The following MEP1B variants were observed in gnomAD, a reference collection of about 807,000 sequenced individuals.
MEP1B encodes the protein N-benzoyl-L-tyrosyl-P-amino-benzoic acid hydrolase subunit beta.
A neutral mutation model predicts 84.6 loss-of-function variants in MEP1B; 80 were observed. The ratio of observed to expected loss-of-function variants is 0.95; its 90% CI spans 0.79 to 1.14. The LOEUF (loss-of-function observed/expected upper bound fraction) is 1.14, where lower values mean the gene tolerates loss of function less well. Ranked by LOEUF, MEP1B falls within the 50% of genes most tolerant of loss-of-function variation. The pLI, the probability that MEP1B is intolerant of heterozygous loss-of-function variation, is 0.00. For synonymous variants in MEP1B, 273 were observed against 288.1 expected (o/e 0.95, Z 0.53); for missense variants, 766 against 855.1 (o/e 0.90, Z 1.30).
At chr18:32,195,239 G>A (rs1406687415) in intron 4 of MEP1B, among the ~76,000 whole-genome samples, 168 bp from the exon 5 acceptor site, 2 of 150,396 alleles carry the variant, frequency 1.3e-5, no homozygotes, top group African/African-American at 5.0e-5. Flanking sequence ...TAGAAACTTT[G>A]TTATATTATG....
Position 32,220,286 on chromosome 18 carries a change from G to C in MEP1B, c.*41G>C. 6.3e-7 allele frequency: 1 copy of C among 1,592,286 alleles called. No homozygotes were observed. The highest frequency in any genetic ancestry group is 1.1e-5 in the South Asian group (1 of 88,426). On this transcript the variant is annotated 3_prime_UTR_variant, in exon 15 of 15. Transcript: ENST00000269202. The stretch of plus-strand genomic sequence containing the variant: ...TATGGCCAGCTAATGAAATTAAAAA[G>C]GATTCTTCATCATGGATTTCGCCTA...
intron 3 of MEP1B, 41 bp from the exon 4 acceptor site, chr18:32,192,733 G>A (rs1377591735): frequency 2.5e-6 from 4 of 1,611,562 alleles, no homozygotes; most frequent in Non-Finnish European, 3.4e-6. Context: ...TAGAGAGTTT[G>A]AATCCAATTT....
At chr18:32,194,788 T>A (rs2144378383) in intron 4 of MEP1B, among the ~76,000 whole-genome samples, 1 of 152,174 alleles carries the variant, frequency 6.6e-6, no homozygotes, top group Admixed American at 6.5e-5. Flanking sequence ...ACATCTCTCT[T>A]TCTAATTTCC....
intron 5 of MEP1B, among the ~76,000 whole-genome samples, chr18:32,200,577 T>C (rs1420881532): frequency 6.6e-6 from 1 of 152,116 alleles, no homozygotes; most frequent in Admixed American, 6.6e-5. Flanking sequence ...CTCTTACAGG[T>C]AGCAAAAATA....
In MEP1B at chr18:32,196,657, G is replaced by A. The variant is rs2144383903; in HGVS notation, c.250+1172G>A. On this transcript the variant is annotated intron_variant, in intron 5 of 14. Transcript: ENST00000269202. The surrounding 1 kb of genome is among the most constrained non-coding windows in gnomAD (Gnocchi z 4.4). ...CTGATGTTGTCCAGCACGCCACCTC[G>A]GGGTGTCTTCCCCAAGCACCAGCGC... 3.0e-6 allele frequency: 2 copies of A among 676,996 alleles called. No homozygotes were observed. Among genetic ancestry groups the A allele is most frequent in the Non-Finnish European group, 5.4e-6 (2 of 370,054 alleles). The allele number at this position is 676,996 out of a possible 1,614,324, so 41.9% of individuals were successfully genotyped here. A position where few individuals can be genotyped will look rare whatever the true frequency, so the allele number is the denominator to read the frequency against.
At position 32,192,695 on chromosome 18, in the gene MEP1B, G is replaced by A. The variant is rs769456034; in HGVS notation, c.127+5G>A. The A allele has an allele frequency of 1.5e-5, 24 of 1,613,116 alleles. No homozygotes were observed. Among genetic ancestry groups the A allele is most frequent in the Non-Finnish European group, 1.9e-5 (22 of 1,179,244 alleles). ...ACATATTTGATATCAATGAAGGTTT[G>A]TGGATTTTTTTTACATAATCTCTTA... On this transcript the variant is annotated splice_donor_5th_base_variant and intron_variant, in intron 3 of 14. Coordinates refer to ENST00000269202, the MANE Select transcript of MEP1B (RefSeq NM_005925.3).
chr18:32,196,238 T>TGCCTTTGAA lies in MEP1B; in HGVS notation c.250+754_250+762dup. The TGCCTTTGAA allele has an allele frequency of 1.4e-6, 1 of 700,158 alleles. No individual in the cohort carries two copies. Among genetic ancestry groups the TGCCTTTGAA allele is most frequent in the Non-Finnish European group, 2.7e-6 (1 of 372,480 alleles). 43.4% of individuals were successfully genotyped at this position (700,158 alleles called of 1,614,324 possible). ...AGAGGAATGAAGAGGATGCCATTGATGCCTTTGAACTGCTCCAAGACGCTG... is the reference window on the plus strand; with the variant it reads ...AGAGGAATGAAGAGGATGCCATTGATGCCTTTGAAGCCTTTGAACTGCTCCAAGACGCTG... On this transcript the variant is annotated intron_variant, in intron 5 of 14. Transcript: ENST00000269202. This position sits in a 1 kb window ranked among gnomAD's most constrained non-coding sequence, Gnocchi z 4.4.
In MEP1B at chr18:32,204,823, G is replaced by C. The variant is rs557840171; in HGVS notation, c.547+463G>C. On this transcript the variant is annotated intron_variant, in intron 7 of 14. Coordinates refer to ENST00000269202, the MANE Select transcript of MEP1B (RefSeq NM_005925.3). The stretch of plus-strand genomic sequence containing the variant: ...GTGTCACATACCATGACAGAGGGCA[G>C]AGGTCAAGGGAGAGTCAGAGAGAAA... 1.8e-4 allele frequency among the ~76,000 whole-genome samples: 27 copies of C among 152,338 alleles called. No individual in the cohort carries two copies. The South Asian group carries it at 4.4e-3, about 25-fold the overall frequency.
Position 32,214,409 on chromosome 18 carries a change from C to T in MEP1B, c.1580-673C>T, listed in dbSNP as rs183546373. Among the ~76,000 whole-genome samples the T allele has an allele frequency of 2.2e-3, 333 of 152,170 alleles. 4 individuals are homozygous for T. The highest frequency in any genetic ancestry group is 0.019 in the Admixed American group (294 of 15,284). On this transcript the variant is annotated intron_variant, in intron 11 of 14. Transcript: ENST00000269202. ...TATATATGAAAAACATGGACCAAAT[C>T]GACATAGAAAAAAATCCAACTTAAT...
At chr18:32,213,672 A>C (rs2041054885) in intron 11 of MEP1B, 113 bp downstream of exon 11, 3 of 760,194 alleles carry the variant, frequency 3.9e-6, no homozygotes, top group Admixed American at 2.6e-5. Flanking sequence ...TTGAGCCCCA[A>C]ATCTTAAGAA....
At chr18:32,201,953 C>T (rs1013685614) in intron 5 of MEP1B, among the ~76,000 whole-genome samples, 3 of 152,232 alleles carry the variant, frequency 2.0e-5, no homozygotes, top group African/African-American at 7.2e-5. Context: ...GCTAATTTTA[C>T]TTGGAACTTC....
intron 5 of MEP1B, among the ~76,000 whole-genome samples, chr18:32,201,280 G>C (rs373680786): frequency 6.9e-6 from 1 of 145,654 alleles, no homozygotes; most frequent in Non-Finnish European, 1.5e-5. Context: ...CATTTTGAAC[G>C]TTAACAGCCA....
At chr18:32,215,033 AGCT>A in intron 11 of MEP1B, 46 bp from the exon 12 acceptor site, 1 of 1,365,456 alleles carries the variant, frequency 7.3e-7, no homozygotes, top group Non-Finnish European at 1.0e-6. Context: ...TACCACCAAA[AGCT>A]ACGATGATGA....
At chr18:32,206,949 C>T (rs2040971623) in intron 7 of MEP1B, among the ~76,000 whole-genome samples, 1 of 152,178 alleles carries the variant, frequency 6.6e-6, no homozygotes, top group Non-Finnish European at 1.5e-5. Flanking sequence ...CTTTGTTGCC[C>T]AGGCTGGTTA....
intron 2 of MEP1B, 111 bp from the exon 3 acceptor site, chr18:32,192,535 G>C: frequency 1.1e-6 from 1 of 906,312 alleles, no homozygotes; most frequent in East Asian, 2.4e-5. Context: ...GAATCTAGTA[G>C]TCACCTGAGG....
intron 11 of MEP1B, 121 bp downstream of exon 11, chr18:32,213,680 G>C: frequency 1.4e-6 from 1 of 716,106 alleles, no homozygotes; most frequent in South Asian, 1.9e-5. Context: ...CAAATCTTAA[G>C]AACAGATATT....
chr18:32,198,721 T>C (rs570928047), intron 5 of MEP1B, among the ~76,000 whole-genome samples: 10 of 152,180 alleles, frequency 6.6e-5, no homozygotes, highest in Admixed American at 2.0e-4. Context: ...TTGTCGTGTA[T>C]ACTAATAACA....
At chr18:32,211,520 C>A (rs1289970426) in intron 10 of MEP1B, among the ~76,000 whole-genome samples, 1 of 152,104 alleles carries the variant, frequency 6.6e-6, no homozygotes, top group Admixed American at 6.5e-5. Flanking sequence ...TCCCAGCTTA[C>A]ATTTGACCAA....
intron 11 of MEP1B, among the ~76,000 whole-genome samples, chr18:32,214,310 C>A (rs2041060883): frequency 6.6e-6 from 1 of 152,116 alleles, no homozygotes; most frequent in African/African-American, 2.4e-5. Context: ...TTTAATAATT[C>A]TTTGCTTCTG....
Sources: gnomAD v4.1 joint callset for allele counts (sites outside exome capture counted in the v4.1 genomes callset) on GRCh38, gnomAD v4.1.1 for gene constraint, Gnocchi (gnomAD v3.1) non-coding constraint, MANE v1.5 for transcripts, NCBI Gene and HGNC (gene_info 2026-07-23, HGNC 2026-07-21) for gene names.